GPC5: variants seen among roughly 807,000 people sequenced by gnomAD.
GPC5 encodes glypican-5.
A neutral mutation model predicts 53.9 loss-of-function variants in GPC5; 47 were observed. That is an observed-to-expected ratio of 0.87 (90% confidence interval 0.69 to 1.11). The LOEUF (loss-of-function observed/expected upper bound fraction) is 1.11, where lower values mean the gene tolerates loss of function less well. Ranked by LOEUF, GPC5 falls within the 50% of genes most tolerant of loss-of-function variation. The probability of loss-of-function intolerance (pLI) is 0.00; values close to 1 mark genes in which losing one functional copy is unlikely to be tolerated. For synonymous variants in GPC5, 286 were observed against 263.3 expected (o/e 1.09, Z -0.84); for missense variants, 748 against 713.1 (o/e 1.05, Z -0.56).
At chr13:92,383,521 T>C (rs1010665781) in intron 7 of GPC5, among the ~76,000 whole-genome samples, 37 of 152,302 alleles carry the variant, frequency 2.4e-4, no homozygotes, top group Admixed American at 5.9e-4. Context: ...TATTACGCTA[T>C]GCTTATTTTT....
At chr13:92,033,838 T>A (rs2040872317) in intron 6 of GPC5, among the ~76,000 whole-genome samples, 1 of 152,108 alleles carries the variant, frequency 6.6e-6, no homozygotes. Flanking sequence ...CTGGTAGAAA[T>A]CCCAGTAATT....
At chr13:91,437,112 G>A (rs948397858) in intron 1 of GPC5, among the ~76,000 whole-genome samples, 2 of 152,126 alleles carry the variant, frequency 1.3e-5, no homozygotes, top group African/African-American at 4.8e-5. Flanking sequence ...CCTGAATACA[G>A]TACACTGATG....
chr13:92,555,415 C>A (rs1882460265), intron 7 of GPC5, among the ~76,000 whole-genome samples: 1 of 151,204 alleles, frequency 6.6e-6, no homozygotes, highest in East Asian at 1.9e-4. Context: ...AGTCAAATGT[C>A]CATTCATTAT....
chr13:91,582,471 A>G (rs574865806), intron 2 of GPC5, among the ~76,000 whole-genome samples: 1 of 152,342 alleles, frequency 6.6e-6, no homozygotes, highest in East Asian at 1.9e-4. Flanking sequence ...AAAACATGAT[A>G]GAAAACTAAA....
At chr13:91,569,836 A>T (rs1046318132) in intron 2 of GPC5, among the ~76,000 whole-genome samples, 1 of 152,158 alleles carries the variant, frequency 6.6e-6, no homozygotes, top group Non-Finnish European at 1.5e-5. Context: ...GCCTTCTATA[A>T]GGAATGGGTC....
intron 7 of GPC5, among the ~76,000 whole-genome samples, chr13:92,293,568 A>T (rs2043013142): frequency 6.6e-6 from 1 of 151,278 alleles, no homozygotes. Context: ...TTGCTGAATT[A>T]TTTTATCAGT....
chr13:91,524,702 G>A (rs1490996680), intron 2 of GPC5, among the ~76,000 whole-genome samples: 1 of 152,128 alleles, frequency 6.6e-6, no homozygotes, highest in Non-Finnish European at 1.5e-5. Context: ...GGAATCAACT[G>A]CTGCCCCTGA....
chr13:92,126,102 G>C (rs951552148), intron 6 of GPC5, among the ~76,000 whole-genome samples: 1 of 151,512 alleles, frequency 6.6e-6, no homozygotes, highest in Admixed American at 6.6e-5. Flanking sequence ...TTATAGGCAC[G>C]TGCCACCACA....
chr13:92,831,349 ATTAT>A (rs1208195065), intron 7 of GPC5, among the ~76,000 whole-genome samples: 1 of 152,122 alleles, frequency 6.6e-6, no homozygotes, highest in African/African-American at 2.4e-5. Context: ...TCATATTGAG[ATTAT>A]TTATTCCAAA....
chr13:91,477,558 T>C lies in GPC5; in HGVS notation c.325+28636T>C, dbSNP rs538398825. On this transcript the variant is annotated intron_variant, in intron 2 of 7. Transcript: ENST00000377067. ...AGGAGTCCAGTATTCAAAATAGGTT[T>C]AGTTGGACATACAAATTTTGGAATA... Among the ~76,000 whole-genome samples the C allele has an allele frequency of 9.4e-4, 143 of 152,296 alleles. 2 individuals carry two copies. Among genetic ancestry groups the C allele is most frequent in the African/African-American group, 3.2e-3 (132 of 41,564 alleles).
chr13:91,756,369 T>C lies in GPC5; in HGVS notation c.1229T>C (p.Leu410Ser), dbSNP rs772637603. 5.0e-6 allele frequency: 8 copies of C among 1,594,266 alleles called. No homozygotes were observed. In the African/African-American group the frequency reaches 1.1e-4, roughly 21 times the overall value. ...GCTGATCAGCTTTGTGCTAATGAAT[T>C]AGCTGCTGCAGATGGACTTCCCTGC... is the stretch of plus-strand genomic sequence containing the variant. ...GLADQLCANE[L>S]AAADGLPCWN... Residue 410 changes from leucine (L) to serine (S), a missense_variant, in exon 5 of 8, where the codon TTA (leucine) becomes TCA (serine). By Grantham distance (145) the Leu-to-Ser change is moderately radical (BLOSUM62 -2). Transcript: ENST00000377067.
rs151038653 is a variant in GPC5 at position 91,639,881 on chromosome 13, C to T, written c.326-53306C>T. Among the ~76,000 whole-genome samples, 655 of 152,142 alleles carry T rather than the reference C, an allele frequency of 4.3e-3. 1 individual carries two copies. The highest frequency in any genetic ancestry group is 7.4e-3 in the Non-Finnish European group (505 of 68,006). On this transcript the variant is annotated intron_variant, in intron 2 of 7. Coordinates refer to ENST00000377067, the MANE Select transcript of GPC5 (RefSeq NM_004466.6). ...GTCTTCATTTTACAAAGAAGGGAAACGAGTTTAAGAGAGATTAAATATAAA... is the reference window on the plus strand; with the variant it reads ...GTCTTCATTTTACAAAGAAGGGAAATGAGTTTAAGAGAGATTAAATATAAA...
rs561380866 is a variant in GPC5 at position 92,140,697 on chromosome 13, G to A, written c.1402-4133G>A. Among the ~76,000 whole-genome samples, 172 of 152,334 alleles carry A rather than the reference G, an allele frequency of 1.1e-3. 1 individual carries two copies. The highest frequency in any genetic ancestry group is 4.0e-3 in the African/African-American group (165 of 41,586). ...AAGGCTGAAAAATGACACGGTGAAAGTACTGATTTTAAGAAAATAATATGG... is the reference window on the plus strand; with the variant it reads ...AAGGCTGAAAAATGACACGGTGAAAATACTGATTTTAAGAAAATAATATGG... On this transcript the variant is annotated intron_variant, in intron 6 of 7. Transcript: ENST00000377067.
chr13:91,710,079 T>C (rs1447653398), intron 3 of GPC5, among the ~76,000 whole-genome samples: 1 of 152,196 alleles, frequency 6.6e-6, no homozygotes, highest in African/African-American at 2.4e-5. Context: ...CCCCATGTTG[T>C]GTTGAACATT....
intron 2 of GPC5, among the ~76,000 whole-genome samples, chr13:91,647,797 T>C (rs961896617): frequency 6.6e-6 from 1 of 152,206 alleles, no homozygotes; most frequent in African/African-American, 2.4e-5. Flanking sequence ...CAATTTTCTT[T>C]CATTGGCACA....
intron 7 of GPC5, among the ~76,000 whole-genome samples, chr13:92,367,823 A>C (rs1418638824): frequency 6.6e-6 from 1 of 152,200 alleles, no homozygotes; most frequent in Non-Finnish European, 1.5e-5. Flanking sequence ...AATATAAAAA[A>C]TTGGAAGGTG....
chr13:92,852,230 G>A (rs1337396958), intron 7 of GPC5, among the ~76,000 whole-genome samples: 1 of 152,162 alleles, frequency 6.6e-6, no homozygotes, highest in African/African-American at 2.4e-5. Context: ...CTCACAAAGA[G>A]GGGAACGTAT....
chr13:91,424,497 T>C (rs1469318012), intron 1 of GPC5, among the ~76,000 whole-genome samples: 1 of 151,748 alleles, frequency 6.6e-6, no homozygotes, highest in Non-Finnish European at 1.5e-5. Flanking sequence ...CCCGAGTAGC[T>C]GGGATTACAG....
chr13:91,903,936 A>C (rs1025620310), intron 5 of GPC5, among the ~76,000 whole-genome samples: 55 of 152,142 alleles, frequency 3.6e-4, no homozygotes, highest in African/African-American at 1.3e-3. Flanking sequence ...TAGCTTAATT[A>C]AAATTAAGAA....
Sources: gnomAD v4.1 joint callset for allele counts (sites outside exome capture counted in the v4.1 genomes callset) on GRCh38, gnomAD v4.1.1 for gene constraint, MANE v1.5 for transcripts, NCBI Gene and HGNC (gene_info 2026-07-23, HGNC 2026-07-21) for gene names.